KIRREL3: variants seen among roughly 807,000 people sequenced by gnomAD.
The protein encoded by KIRREL3 is kin of IRRE-like protein 3.
In KIRREL3, 36 loss-of-function variants were observed where a neutral mutation model predicts 89.7. That is an observed-to-expected ratio of 0.40 (90% CI 0.31 to 0.53). The LOEUF is 0.53. Among genes scored for constraint, KIRREL3 ranks in the 20% least tolerant of loss-of-function variants. KIRREL3 has a pLI of 0.49. For synonymous variants in KIRREL3, 445 were observed against 441.4 expected (o/e 1.01, Z -0.10); for missense variants, 864 against 1,056.6 (o/e 0.82, Z 2.53).
chr11:126,936,596 G>C, intron 1 of KIRREL3: 1 of 147,846 alleles, frequency 6.8e-6, no homozygotes, highest in East Asian at 2.0e-4. Flanking sequence ...AATGCATATT[G>C]ATGCATGCTA....
chr11:126,505,857 T>C (rs954806836), intron 4 of KIRREL3, among the ~76,000 whole-genome samples: 1 of 152,216 alleles, frequency 6.6e-6, no homozygotes, highest in African/African-American at 2.4e-5. Flanking sequence ...TACTCAATAT[T>C]GTTAAGGTGG....
chr11:126,510,871 A>ACT (rs1224203188), intron 4 of KIRREL3, among the ~76,000 whole-genome samples: 3 of 151,640 alleles, frequency 2.0e-5, no homozygotes, highest in African/African-American at 2.4e-5. Flanking sequence ...TGACTGCTCA[A>ACT]CTCTCTCTCT....
rs893257892 is a variant in KIRREL3 at position 126,750,092 on chromosome 11, A to C, written c.56-187180T>G. Among the ~76,000 whole-genome samples, 1 of 152,152 alleles carries C rather than the reference A, an allele frequency of 6.6e-6. No homozygotes were observed. Among genetic ancestry groups the C allele is most frequent in the Non-Finnish European group, 1.5e-5 (1 of 68,026 alleles). On this transcript the variant is annotated intron_variant, in intron 1 of 16. Coordinates refer to ENST00000525144, the MANE Select transcript of KIRREL3 (RefSeq NM_032531.4). The surrounding 1 kb of genome is among the most constrained non-coding windows in gnomAD (Gnocchi z 4.2). ...CTACTTAAATGGGGGCTTTTTGTGG[A>C]TATTGAAAATAATGGATGGAATAAA...
rs1376432830 is a variant in KIRREL3, at chr11:126,624,955, G to A, written c.56-62043C>T. ...GGCGTTTCCTAGTCACTCATCACAA[G>A]GTCACTGATTGTTGGATGGCATGGG... On this transcript the variant is annotated intron_variant, in intron 1 of 16. Transcript: ENST00000525144. The surrounding 1 kb of genome is among the most constrained non-coding windows in gnomAD (Gnocchi z 6.0). 6.6e-6 allele frequency among the ~76,000 whole-genome samples: 1 copy of A among 152,168 alleles called. No homozygotes were observed. The highest frequency in any genetic ancestry group is 1.5e-5 in the Non-Finnish European group (1 of 68,040).
In KIRREL3 at chr11:126,978,636, C is replaced by T. The variant is rs1949643173; in HGVS notation, c.55+21819G>A. Reference sequence around the variant, plus strand: ...TCTACGTTCTCCCATGCTTCCCAGGCTTTAGCACCTGCTACTCCCTCTTCT... The same window carrying T: ...TCTACGTTCTCCCATGCTTCCCAGGTTTTAGCACCTGCTACTCCCTCTTCT... On this transcript the variant is annotated intron_variant, in intron 1 of 16. Coordinates refer to ENST00000525144, the MANE Select transcript of KIRREL3 (RefSeq NM_032531.4). The surrounding 1 kb of genome is among the most constrained non-coding windows in gnomAD (Gnocchi z 4.2). 6.6e-6 allele frequency among the ~76,000 whole-genome samples: 1 copy of T among 152,154 alleles called. No homozygotes were observed. Among genetic ancestry groups the T allele is most frequent in the Non-Finnish European group, 1.5e-5 (1 of 68,038 alleles).
intron 9 of KIRREL3, among the ~76,000 whole-genome samples, chr11:126,446,166 A>G (rs1302466060): frequency 6.6e-6 from 1 of 151,868 alleles, no homozygotes; most frequent in Non-Finnish European, 1.5e-5. Flanking sequence ...AAAAAAAAAA[A>G]AAAATGGAAC....
At position 126,694,927 on chromosome 11, in the gene KIRREL3, C is replaced by G. The variant is rs1226691593; in HGVS notation, c.56-132015G>C. Among the ~76,000 whole-genome samples, 1 of 152,220 alleles carries G rather than the reference C, an allele frequency of 6.6e-6. No homozygotes were observed. Among genetic ancestry groups the G allele is most frequent in the East Asian group, 1.9e-4 (1 of 5,194 alleles). ...CTCAAAAAGAATGAAGGCTCCCTCA[C>G]TCCTTTGCTTTGATTGGGAGATGAG... On this transcript the variant is annotated intron_variant, in intron 1 of 16. Transcript: ENST00000525144. The surrounding 1 kb of genome is among the most constrained non-coding windows in gnomAD (Gnocchi z 4.4).
At chr11:126,573,330 G>A (rs957385365) in intron 1 of KIRREL3, among the ~76,000 whole-genome samples, 17 of 152,310 alleles carry the variant, frequency 1.1e-4, no homozygotes, top group African/African-American at 1.9e-4. Context: ...ACACGTTTCC[G>A]CAGAGAGGAC....
At chr11:126,667,912 T>C (rs752952598) in intron 1 of KIRREL3, among the ~76,000 whole-genome samples, 2 of 152,106 alleles carry the variant, frequency 1.3e-5, no homozygotes, top group Non-Finnish European at 2.9e-5. Context: ...GCAGTTAAAA[T>C]CCTGGAGCTC....
chr11:126,567,071 C>T (rs605226), intron 1 of KIRREL3, among the ~76,000 whole-genome samples: 63,403 of 152,046 alleles, frequency 0.42, 13,752 homozygotes, highest in Admixed American at 0.51. Context: ...CACAGATCAG[C>T]GGTGTGGGCT....
intron 2 of KIRREL3, among the ~76,000 whole-genome samples, chr11:126,560,471 T>C (rs1257659945): frequency 6.6e-6 from 1 of 152,238 alleles, no homozygotes; most frequent in Non-Finnish European, 1.5e-5. Context: ...CGGCACCAAT[T>C]GCAATTACTC....
Position 126,535,350 on chromosome 11 carries a change from A to G in KIRREL3, c.134-8663T>C, listed in dbSNP as rs747674347. Among the ~76,000 whole-genome samples the G allele has an allele frequency of 6.6e-6, 1 of 152,166 alleles. No individual in the cohort carries two copies. Among genetic ancestry groups the G allele is most frequent in the Non-Finnish European group, 1.5e-5 (1 of 68,028 alleles). On this transcript the variant is annotated intron_variant, in intron 2 of 16. Coordinates refer to ENST00000525144, the MANE Select transcript of KIRREL3 (RefSeq NM_032531.4). This position sits in a 1 kb window ranked among gnomAD's most constrained non-coding sequence, Gnocchi z 4.5. ...CATTATCACGGAATGAACCATCACC[A>G]TCTGGCTCCCAAAGTCCCCACCAAC...
At position 126,807,046 on chromosome 11, in the gene KIRREL3, C is replaced by T. The variant is rs1285998000; in HGVS notation, c.55+193409G>A. 1.3e-5 allele frequency among the ~76,000 whole-genome samples: 2 copies of T among 152,112 alleles called. No homozygotes were observed. The highest frequency in any genetic ancestry group is 4.8e-5 in the African/African-American group (2 of 41,416). ...TTTATGACTGCATAGAATTCCATGG[C>T]ACATATGTGCCACATGACCACGCTG... On this transcript the variant is annotated intron_variant, in intron 1 of 16. Coordinates refer to ENST00000525144, the MANE Select transcript of KIRREL3 (RefSeq NM_032531.4). The surrounding 1 kb of genome is among the most constrained non-coding windows in gnomAD (Gnocchi z 4.3).
intron 1 of KIRREL3, among the ~76,000 whole-genome samples, chr11:126,598,736 T>G (rs984521737): frequency 6.6e-6 from 1 of 152,232 alleles, no homozygotes; most frequent in African/African-American, 2.4e-5. Context: ...ACACATTGAT[T>G]GCCCACTCTG....
At chr11:126,824,642 A>G (rs1438387365) in intron 1 of KIRREL3, among the ~76,000 whole-genome samples, 1 of 152,218 alleles carries the variant, frequency 6.6e-6, no homozygotes, top group African/African-American at 2.4e-5. Flanking sequence ...ATCAGAGACA[A>G]ATGGTTGCAT....
At position 126,683,377 on chromosome 11, in the gene KIRREL3, A is replaced by G. The variant is rs1946543149; in HGVS notation, c.56-120465T>C. Among the ~76,000 whole-genome samples the G allele has an allele frequency of 6.6e-6, 1 of 152,166 alleles. No homozygotes were observed. The highest frequency in any genetic ancestry group is 1.5e-5 in the Non-Finnish European group (1 of 68,036). ...GTGGGATCGACCGTGGGGTCTCTGG[A>G]CAGCTCCCCAGAGGGCCGTGGTCCA... On this transcript the variant is annotated intron_variant, in intron 1 of 16. Transcript: ENST00000525144. This position sits in a 1 kb window ranked among gnomAD's most constrained non-coding sequence, Gnocchi z 5.2.
chr11:126,875,141 C>A (rs912653949), intron 1 of KIRREL3, among the ~76,000 whole-genome samples: 2 of 152,200 alleles, frequency 1.3e-5, no homozygotes, highest in African/African-American at 4.8e-5. Flanking sequence ...ACCAACCAGT[C>A]AACCAATCAA....
At chr11:126,815,864 C>A (rs1282658031) in intron 1 of KIRREL3, among the ~76,000 whole-genome samples, 1 of 152,016 alleles carries the variant, frequency 6.6e-6, no homozygotes, top group Non-Finnish European at 1.5e-5. Context: ...GAGGTATATT[C>A]CTTGTTCTCT....
At position 126,641,304 on chromosome 11, in the gene KIRREL3, G is replaced by A. The variant is rs1944459872; in HGVS notation, c.56-78392C>T. On this transcript the variant is annotated intron_variant, in intron 1 of 16. Coordinates refer to ENST00000525144, the MANE Select transcript of KIRREL3 (RefSeq NM_032531.4). The surrounding 1 kb of genome is among the most constrained non-coding windows in gnomAD (Gnocchi z 5.0). ...CTTGGCCCGAGCCTCATCACTTGTT[G>A]CTCAGATGGTTGTTACAGTCATGGT... Among the ~76,000 whole-genome samples the A allele has an allele frequency of 6.6e-6, 1 of 151,630 alleles. No homozygotes were observed. The highest frequency in any genetic ancestry group is 2.4e-5 in the African/African-American group (1 of 41,248).
Sources: gnomAD v4.1 joint callset for allele counts (sites outside exome capture counted in the v4.1 genomes callset) on GRCh38, gnomAD v4.1.1 for gene constraint, Gnocchi (gnomAD v3.1) non-coding constraint, MANE v1.5 for transcripts, NCBI Gene and HGNC (gene_info 2026-07-23, HGNC 2026-07-21) for gene names.